The following ZNF611 variants were observed in gnomAD, a reference collection of about 807,000 sequenced individuals.
The protein encoded by ZNF611 is zinc finger protein 611.
In ZNF611, 6 loss-of-function variants were observed where a neutral mutation model predicts 8.9. The ratio of observed to expected loss-of-function variants is 0.68; its 90% CI spans 0.37 to 1.34. The LOEUF is 1.34. ZNF611 is among the 40% of genes most tolerant of loss of function. The probability of loss-of-function intolerance (pLI) is 0.02; values close to 1 mark genes in which losing one functional copy is unlikely to be tolerated. For missense variants in ZNF611, 874 were observed against 841.3 expected, an observed-to-expected ratio of 1.04 and a Z score of -0.48; for synonymous variants, 262 against 279.7, an observed-to-expected ratio of 0.94 and a Z score of 0.63.
At chr19:52,731,538 A>AT (rs879477919) in intron 1 of ZNF611, among the ~76,000 whole-genome samples, 99 of 139,002 alleles carry the variant, frequency 7.1e-4, no homozygotes, top group Middle Eastern at 4.3e-3. Flanking sequence ...TAATTTTTGT[A>AT]TTTTTTTTTT....
At chr19:52,734,536 CGGGG>C (rs3029477) in intron 1 of ZNF611, among the ~76,000 whole-genome samples, 1 of 129,302 alleles carries the variant, frequency 7.7e-6, no homozygotes, top group South Asian at 2.6e-4. Flanking sequence ...AGGTGCGGGG[CGGGG>C]GGGGGGGGCG....
At chr19:52,716,016 CCCCACTG>C (rs2062314945) in intron 3 of ZNF611, 103 bp from the exon 4 acceptor site, 1 of 1,296,102 alleles carries the variant, frequency 7.7e-7, no homozygotes, top group Non-Finnish European at 1.1e-6. Flanking sequence ...GAAAGAAGTC[CCCCACTG>C]CCCACTGCAC....
intron 4 of ZNF611, among the ~76,000 whole-genome samples, 192 bp downstream of exon 4, chr19:52,715,640 C>A (rs1276835252): frequency 1.3e-5 from 2 of 152,140 alleles, no homozygotes; most frequent in Non-Finnish European, 2.9e-5. Flanking sequence ...GGAGCCTCTT[C>A]CCAAGTTCAT....
intron 3 of ZNF611, among the ~76,000 whole-genome samples, chr19:52,726,098 C>A (rs112510223): frequency 0.27 from 41,681 of 152,110 alleles, 5,769 homozygotes; most frequent in Middle Eastern, 0.32. Flanking sequence ...CAGAACAGAA[C>A]TCCTCTCCCT....
rs896366060 is a variant in ZNF611 at position 52,704,649 on chromosome 19, T to C, written c.*288A>G. 4.2e-5 allele frequency: 66 copies of C among 1,589,546 alleles called. No individual in the cohort carries two copies. Among genetic ancestry groups the C allele is most frequent in the Non-Finnish European group, 5.0e-5 (58 of 1,158,696 alleles). On this transcript the variant is annotated 3_prime_UTR_variant, in exon 6 of 6. Coordinates refer to ENST00000652185, the MANE Select transcript of ZNF611 (RefSeq NM_001161499.2). ...GGATTCTCCAATGATTTGTAATCGTTGTAGCATTACTGAAGACTTTGTGAC... is the reference window on the plus strand; with the variant it reads ...GGATTCTCCAATGATTTGTAATCGTCGTAGCATTACTGAAGACTTTGTGAC...
chr19:52,704,629 C>G lies in ZNF611; in HGVS notation c.*308G>C. The G allele has an allele frequency of 6.3e-7, 1 of 1,588,312 alleles. No individual in the cohort carries two copies. The highest frequency in any genetic ancestry group is 8.6e-7 in the Non-Finnish European group (1 of 1,157,880). On this transcript the variant is annotated 3_prime_UTR_variant, in exon 6 of 6. Transcript: ENST00000652185. ...GTAAGATCTCTCTTCATTATGGATT[C>G]TCCAATGATTTGTAATCGTTGTAGC...
chr19:52,710,001 C>T (rs2062269441), intron 5 of ZNF611, among the ~76,000 whole-genome samples: 1 of 152,192 alleles, frequency 6.6e-6, no homozygotes, highest in African/African-American at 2.4e-5. Context: ...ATCTAGCTGA[C>T]ATCTTGTTCT....
chr19:52,717,398 A>C (rs547484806), intron 3 of ZNF611, among the ~76,000 whole-genome samples: 2 of 152,236 alleles, frequency 1.3e-5, no homozygotes, highest in Non-Finnish European at 2.9e-5. Flanking sequence ...TGAGGGGAAG[A>C]GAGTCCTAGG....
At chr19:52,707,911 G>A (rs2062255824) in intron 5 of ZNF611, among the ~76,000 whole-genome samples, 1 of 152,048 alleles carries the variant, frequency 6.6e-6, no homozygotes, top group Non-Finnish European at 1.5e-5. Flanking sequence ...GATTACAGGT[G>A]TGAGCCACTG....
Position 52,704,606 on chromosome 19 carries a change from A to G in ZNF611, c.*331T>C. The G allele has an allele frequency of 1.9e-6, 3 of 1,577,552 alleles. No homozygotes were observed. Among genetic ancestry groups the G allele is most frequent in the Non-Finnish European group, 2.6e-6 (3 of 1,148,710 alleles). ...AATTTGCCACATTTATTACACTTGT[A>G]AGATCTCTCTTCATTATGGATTCTC... On this transcript the variant is annotated 3_prime_UTR_variant, in exon 6 of 6. Coordinates refer to ENST00000652185, the MANE Select transcript of ZNF611 (RefSeq NM_001161499.2).
rs530219771 is a variant in ZNF611 at position 52,713,953 on chromosome 19, G to A, written c.190+62C>T. 5.6e-4 allele frequency: 899 copies of A among 1,596,638 alleles called. 3 individuals carry two copies. Among genetic ancestry groups the A allele is most frequent in the Non-Finnish European group, 7.1e-4 (829 of 1,175,348 alleles). On this transcript the variant is annotated intron_variant, in intron 5 of 5. Coordinates refer to ENST00000652185, the MANE Select transcript of ZNF611 (RefSeq NM_001161499.2). ...GCAAAATCACAAAAGAGGATACAAA[G>A]CCAGGATGAGCCAAGATAGACAAGA...
chr19:52,703,456 A>G lies in ZNF611; in HGVS notation c.*1481T>C, dbSNP rs1471690954. 1.3e-5 allele frequency: 2 copies of G among 151,872 alleles called. No homozygotes were observed. Among genetic ancestry groups the G allele is most frequent in the Non-Finnish European group, 2.9e-5 (2 of 67,992 alleles). 9.4% of individuals were successfully genotyped at this position (151,872 alleles called of 1,614,324 possible). A position where few individuals can be genotyped will look rare whatever the true frequency, so the allele number is the denominator to read the frequency against. On this transcript the variant is annotated 3_prime_UTR_variant, in exon 6 of 6. Transcript: ENST00000652185. ...ACCAACACCCCCGGCTAACTTTTGT[A>G]TTTTTAGTAGAGATGGGGTTTCACC... is the stretch of plus-strand genomic sequence containing the variant.
At position 52,704,904 on chromosome 19, in the gene ZNF611, C is replaced by G; in HGVS notation, c.*33G>C. 2 of 1,611,996 alleles carry G rather than the reference C, an allele frequency of 1.2e-6. No individual in the cohort carries two copies. The highest frequency in any genetic ancestry group is 1.7e-5 in the Admixed American group (1 of 59,852). ...CTCCTATGTCTTTAAGGTGTGATTTCCAAATGGAAACTTTGTCACATGCTT... is the reference window on the plus strand; with the variant it reads ...CTCCTATGTCTTTAAGGTGTGATTTGCAAATGGAAACTTTGTCACATGCTT... On this transcript the variant is annotated 3_prime_UTR_variant, in exon 6 of 6. Coordinates refer to ENST00000652185, the MANE Select transcript of ZNF611 (RefSeq NM_001161499.2).
intron 5 of ZNF611, chr19:52,708,540 A>G (rs1232486184): frequency 6.6e-6 from 1 of 152,008 alleles, no homozygotes; most frequent in Non-Finnish European, 1.5e-5. Flanking sequence ...ATCTTAAGAA[A>G]TAAGAATTGG....
intron 1 of ZNF611, among the ~76,000 whole-genome samples, chr19:52,731,174 C>A (rs900919257): frequency 1.3e-5 from 2 of 151,918 alleles, no homozygotes; most frequent in African/African-American, 4.8e-5. Context: ...CCAAATAATT[C>A]TCCTGCCTCA....
At chr19:52,722,623 A>G (rs2062367142) in intron 3 of ZNF611, among the ~76,000 whole-genome samples, 1 of 152,146 alleles carries the variant, frequency 6.6e-6, no homozygotes, top group Admixed American at 6.5e-5. Flanking sequence ...AAATTCTCAA[A>G]CTCATCTGTA....
chr19:52,712,931 T>C (rs145717637), intron 5 of ZNF611, among the ~76,000 whole-genome samples: 1 of 152,170 alleles, frequency 6.6e-6, no homozygotes, highest in East Asian at 1.9e-4. Flanking sequence ...CTGTGGCTCA[T>C]GCCTGTAATC....
chr19:52,725,932 T>A (rs1477982452), intron 3 of ZNF611, among the ~76,000 whole-genome samples: 3 of 152,096 alleles, frequency 2.0e-5, no homozygotes, highest in Non-Finnish European at 4.4e-5. Flanking sequence ...ACCCAGCGCC[T>A]CTGTTTTTCG....
At chr19:52,722,011 T>C (rs374005000) in intron 3 of ZNF611, among the ~76,000 whole-genome samples, 13 of 151,674 alleles carry the variant, frequency 8.6e-5, no homozygotes, top group Non-Finnish European at 1.6e-4. Flanking sequence ...GATTGTGCCA[T>C]TGCACTCCAG....
Sources: allele counts gnomAD v4.1 joint callset (sites outside exome capture counted in the v4.1 genomes callset), GRCh38; gene constraint gnomAD v4.1.1; transcripts MANE v1.5; gene names NCBI Gene and HGNC (gene_info 2026-07-23, HGNC 2026-07-21).